Variants in NRXN3 observed in about 807,000 individuals in gnomAD.
NRXN3 encodes the protein neurexin III.
In NRXN3, 32 loss-of-function variants were observed where a neutral mutation model predicts 137.6. The ratio of observed to expected loss-of-function variants is 0.23; its 90% CI spans 0.18 to 0.31. NRXN3 has a LOEUF of 0.31. Ranked by LOEUF, NRXN3 falls within the 10% of genes least tolerant of loss-of-function variation. NRXN3 has a pLI of 1.00. For missense variants in NRXN3, 1,574 were observed against 2,062.5 expected (o/e 0.76, Z 4.59); for synonymous variants, 798 against 784.5 (o/e 1.02, Z -0.29).
chr14:79,087,320 T>A (rs2048317269), intron 15 of NRXN3, among the ~76,000 whole-genome samples: 1 of 152,144 alleles, frequency 6.6e-6, no homozygotes, highest in African/African-American at 2.4e-5. Context: ...ACCCCAGGTC[T>A]CATTTGCTGG....
At chr14:79,831,772 T>A (rs1266481963) in intron 20 of NRXN3, among the ~76,000 whole-genome samples, 1 of 152,118 alleles carries the variant, frequency 6.6e-6, no homozygotes, top group Non-Finnish European at 1.5e-5. Context: ...AACAACCAGA[T>A]TGCATTAAGC....
chr14:78,193,788 T>G (rs1281443292), intron 1 of NRXN3, among the ~76,000 whole-genome samples: 5 of 149,200 alleles, frequency 3.4e-5, no homozygotes, highest in African/African-American at 1.2e-4. Flanking sequence ...AAAAGTTATG[T>G]CTGAACTGAC....
At chr14:78,454,970 C>G (rs1473225207) in intron 4 of NRXN3, among the ~76,000 whole-genome samples, 1 of 152,158 alleles carries the variant, frequency 6.6e-6, no homozygotes, top group Non-Finnish European at 1.5e-5. Flanking sequence ...AGGGGCATAG[C>G]CATGAACTCT....
At chr14:79,322,910 C>G (rs1451758372) in intron 15 of NRXN3, among the ~76,000 whole-genome samples, 1 of 152,182 alleles carries the variant, frequency 6.6e-6, no homozygotes, top group Non-Finnish European at 1.5e-5. Flanking sequence ...AACATGAAGA[C>G]AAAGATCCTA....
intron 17 of NRXN3, among the ~76,000 whole-genome samples, chr14:79,674,837 G>GTGTT (rs2154003091): frequency 6.6e-6 from 1 of 152,150 alleles, no homozygotes; most frequent in South Asian, 2.1e-4. Flanking sequence ...TTAGAGAAAT[G>GTGTT]TGTTTTTCTC....
chr14:78,265,336 G>A (rs911919765), intron 2 of NRXN3, among the ~76,000 whole-genome samples: 1 of 152,132 alleles, frequency 6.6e-6, no homozygotes, highest in Non-Finnish European at 1.5e-5. Context: ...AACCAGTGGT[G>A]GTAGGTGGCA....
At chr14:79,034,797 A>G (rs1335352021) in intron 15 of NRXN3, among the ~76,000 whole-genome samples, 1 of 152,126 alleles carries the variant, frequency 6.6e-6, no homozygotes, top group South Asian at 2.1e-4. Flanking sequence ...GAAGTGACGA[A>G]AACTTCTGGG....
At chr14:78,797,441 A>G (rs1244008508) in intron 8 of NRXN3, among the ~76,000 whole-genome samples, 4 of 152,238 alleles carry the variant, frequency 2.6e-5, no homozygotes, top group African/African-American at 4.8e-5. Context: ...ACAAGTAACT[A>G]TTATAAATAT....
intron 4 of NRXN3, among the ~76,000 whole-genome samples, chr14:78,400,579 G>A (rs1055830333): frequency 6.6e-6 from 1 of 152,214 alleles, no homozygotes; most frequent in Non-Finnish European, 1.5e-5. Context: ...GTGAGCTAGT[G>A]AAGGATCTTC....
intron 1 of NRXN3, among the ~76,000 whole-genome samples, chr14:78,188,581 G>A (rs961625948): frequency 5.9e-5 from 9 of 152,184 alleles, no homozygotes; most frequent in African/African-American, 1.9e-4. Context: ...GTGGAGCTCT[G>A]CCTACAGATG....
Position 78,897,803 on chromosome 14 carries a change from A to C in NRXN3, c.2276-59439A>C, listed in dbSNP as rs368272065. Among the ~76,000 whole-genome samples, 4 of 152,082 alleles carry C rather than the reference A, an allele frequency of 2.6e-5. No individual in the cohort carries two copies. The East Asian group carries it at 5.8e-4, about 22-fold the overall frequency. ...AGGAAAACATAATTAATCCAGAATTATTTCACATGTATAAATTCCTTGCTT... is the reference window on the plus strand; with the variant it reads ...AGGAAAACATAATTAATCCAGAATTCTTTCACATGTATAAATTCCTTGCTT... On this transcript the variant is annotated intron_variant, in intron 10 of 20. Transcript: ENST00000335750.
chr14:79,737,027 A>C (rs781001458), intron 19 of NRXN3, among the ~76,000 whole-genome samples: 1 of 152,230 alleles, frequency 6.6e-6, no homozygotes, highest in Non-Finnish European at 1.5e-5. Context: ...TTTGATGTAC[A>C]TCAAGCATCC....
chr14:78,621,790 A>G (rs959902588), intron 4 of NRXN3, among the ~76,000 whole-genome samples: 2 of 152,182 alleles, frequency 1.3e-5, no homozygotes, highest in African/African-American at 2.4e-5. Context: ...TGTAGCTTTG[A>G]AACTACTGAC....
At chr14:79,665,714 A>C (rs1256703774) in intron 17 of NRXN3, among the ~76,000 whole-genome samples, 1 of 152,160 alleles carries the variant, frequency 6.6e-6, no homozygotes, top group Non-Finnish European at 1.5e-5. Flanking sequence ...TGCTGCCAGC[A>C]ATGAGCAGGC....
intron 15 of NRXN3, among the ~76,000 whole-genome samples, chr14:79,099,599 T>A (rs1170640896): frequency 1.3e-5 from 2 of 152,150 alleles, no homozygotes; most frequent in Non-Finnish European, 2.9e-5. Context: ...TTATTTAGGA[T>A]CATAAAAAAT....
At chr14:79,422,014 C>T (rs904675687) in intron 15 of NRXN3, among the ~76,000 whole-genome samples, 1 of 152,052 alleles carries the variant, frequency 6.6e-6, no homozygotes, top group Non-Finnish European at 1.5e-5. Flanking sequence ...TGATCTTGCT[C>T]TTATCATTTC....
chr14:78,347,367 C>T (rs2082889037), intron 4 of NRXN3, among the ~76,000 whole-genome samples: 1 of 152,174 alleles, frequency 6.6e-6, no homozygotes, highest in African/African-American at 2.4e-5. Context: ...TAGTGTACAA[C>T]ATTTCTCCAG....
intron 8 of NRXN3, among the ~76,000 whole-genome samples, chr14:78,778,178 A>G (rs1471795110): frequency 6.6e-6 from 1 of 152,218 alleles, no homozygotes; most frequent in African/African-American, 2.4e-5. Context: ...TTGATAACTG[A>G]AGAATTTGTG....
chr14:78,852,933 G>A (rs1392735453), intron 10 of NRXN3, among the ~76,000 whole-genome samples: 1 of 150,866 alleles, frequency 6.6e-6, no homozygotes, highest in Non-Finnish European at 1.5e-5. Context: ...AAGAGAACAT[G>A]TGAAGTTTGT....
Sources: gnomAD v4.1 joint callset for allele counts (sites outside exome capture counted in the v4.1 genomes callset) on GRCh38, gnomAD v4.1.1 for gene constraint, MANE v1.5 for transcripts, NCBI Gene and HGNC (gene_info 2026-07-23, HGNC 2026-07-21) for gene names.